DOK6: variants seen among roughly 807,000 people sequenced by gnomAD.
DOK6 encodes docking protein 6, also known as downstream of tyrosine kinase 6.
DOK6 carries 22 observed loss-of-function variants against 44.0 expected under a neutral mutation model. That is an observed-to-expected ratio of 0.50 (90% CI 0.36 to 0.71). The LOEUF is 0.71. DOK6 is among the 30% of genes least tolerant of loss of function. DOK6 has a pLI of 0.00. For synonymous variants in DOK6, 166 were observed against 145.5 expected, an observed-to-expected ratio of 1.14 and a Z score of -1.01; for missense variants, 340 against 416.4, an observed-to-expected ratio of 0.82 and a Z score of 1.60.
In DOK6 at chr18:69,565,065, A is replaced by G. The variant is rs553790940; in HGVS notation, c.174+471A>G. ...ATGCTGATGTGTAGAGATAAGGCATAAATACTTGGAATAAAATATCAATCT... is the reference window on the plus strand; with the variant it reads ...ATGCTGATGTGTAGAGATAAGGCATGAATACTTGGAATAAAATATCAATCT... On this transcript the variant is annotated intron_variant, in intron 2 of 7. Transcript: ENST00000382713. 3.3e-5 allele frequency among the ~76,000 whole-genome samples: 5 copies of G among 152,334 alleles called. No individual in the cohort carries two copies. In the South Asian group the frequency reaches 1.0e-3, roughly 32 times the overall value.
At chr18:69,448,763 T>C (rs1775072690) in intron 1 of DOK6, among the ~76,000 whole-genome samples, 1 of 152,228 alleles carries the variant, frequency 6.6e-6, no homozygotes, top group Non-Finnish European at 1.5e-5. Flanking sequence ...AGAAGTATTG[T>C]TATATTTGTA....
At chr18:69,558,665 A>T (rs1276486203) in intron 1 of DOK6, among the ~76,000 whole-genome samples, 5 of 152,152 alleles carry the variant, frequency 3.3e-5, no homozygotes, top group Non-Finnish European at 7.4e-5. Context: ...GACATTGTAC[A>T]ATATACCTAA....
At chr18:69,424,081 C>G (rs1978569740) in intron 1 of DOK6, among the ~76,000 whole-genome samples, 2 of 152,078 alleles carry the variant, frequency 1.3e-5, no homozygotes, top group African/African-American at 4.8e-5. Flanking sequence ...AGTTGTGGTT[C>G]ATTCATTTTT....
At chr18:69,425,103 G>T (rs751111928) in intron 1 of DOK6, among the ~76,000 whole-genome samples, 2 of 152,098 alleles carry the variant, frequency 1.3e-5, no homozygotes, top group Admixed American at 6.5e-5. Context: ...GTACTATATA[G>T]ATGCCAGGCA....
intron 4 of DOK6, among the ~76,000 whole-genome samples, chr18:69,682,460 G>A (rs1346111765): frequency 6.6e-6 from 1 of 152,166 alleles, no homozygotes; most frequent in Non-Finnish European, 1.5e-5. Flanking sequence ...TGCAGACAAT[G>A]CCAGTGTCTA....
intron 1 of DOK6, among the ~76,000 whole-genome samples, chr18:69,494,359 C>T (rs571104635): frequency 1.5e-3 from 232 of 152,130 alleles, no homozygotes; most frequent in Non-Finnish European, 2.6e-3. Context: ...ACCTGTAATC[C>T]CAGCTATTTG....
intron 1 of DOK6, among the ~76,000 whole-genome samples, chr18:69,513,583 T>A (rs1325130803): frequency 6.6e-6 from 1 of 152,204 alleles, no homozygotes; most frequent in Non-Finnish European, 1.5e-5. Context: ...AAAACTAGAT[T>A]TCACTGTCTG....
intron 6 of DOK6, among the ~76,000 whole-genome samples, chr18:69,755,611 C>G (rs1320148360): frequency 6.6e-6 from 1 of 152,210 alleles, no homozygotes; most frequent in Non-Finnish European, 1.5e-5. Context: ...ATAATCCTTT[C>G]ATAAAATGAG....
At chr18:69,525,204 T>C (rs1981796783) in intron 1 of DOK6, among the ~76,000 whole-genome samples, 1 of 151,932 alleles carries the variant, frequency 6.6e-6, no homozygotes, top group Non-Finnish European at 1.5e-5. Context: ...TCAGATTTTT[T>C]CTTTATTATG....
chr18:69,434,765 T>A (rs1336677808), intron 1 of DOK6, among the ~76,000 whole-genome samples: 2 of 150,686 alleles, frequency 1.3e-5, no homozygotes, highest in Admixed American at 1.3e-4. Context: ...CTACAAAAAA[T>A]ACAAAAATTA....
chr18:69,670,643 G>T (rs553801574), intron 3 of DOK6, among the ~76,000 whole-genome samples: 5 of 151,556 alleles, frequency 3.3e-5, no homozygotes, highest in Non-Finnish European at 7.4e-5. Flanking sequence ...CCAAGTAGCT[G>T]GGATTACAGG....
At chr18:69,630,313 T>A (rs1984661021) in intron 3 of DOK6, among the ~76,000 whole-genome samples, 1 of 152,198 alleles carries the variant, frequency 6.6e-6, no homozygotes, top group South Asian at 2.1e-4. Flanking sequence ...GGTTTTCTGA[T>A]TCCATTGTTC....
intron 1 of DOK6, among the ~76,000 whole-genome samples, chr18:69,422,176 C>T (rs1403671982): frequency 6.6e-6 from 1 of 152,122 alleles, no homozygotes; most frequent in East Asian, 1.9e-4. Flanking sequence ...GACCGCCTTC[C>T]CTGTCTTCTC....
At chr18:69,712,483 C>T (rs557868469) in intron 5 of DOK6, among the ~76,000 whole-genome samples, 2 of 152,054 alleles carry the variant, frequency 1.3e-5, no homozygotes, top group Non-Finnish European at 2.9e-5. Context: ...GAAAGAACAC[C>T]TAGACAGATA....
At chr18:69,753,040 T>C (rs1458112370) in intron 6 of DOK6, among the ~76,000 whole-genome samples, 1 of 152,160 alleles carries the variant, frequency 6.6e-6, no homozygotes, top group African/African-American at 2.4e-5. Context: ...GAAAAGATAG[T>C]AACAAAAGTG....
chr18:69,748,501 G>T (rs1380722984), intron 6 of DOK6, among the ~76,000 whole-genome samples: 2 of 152,088 alleles, frequency 1.3e-5, no homozygotes, highest in South Asian at 2.1e-4. Context: ...AGATGCAAAA[G>T]AACTGAAATC....
intron 6 of DOK6, among the ~76,000 whole-genome samples, chr18:69,749,626 A>G (rs1034172983): frequency 6.6e-6 from 1 of 152,124 alleles, no homozygotes; most frequent in Non-Finnish European, 1.5e-5. Context: ...CAGGAATTTT[A>G]TGAGGATTTA....
chr18:69,608,779 G>A lies in DOK6; in HGVS notation c.289+9281G>A, dbSNP rs886202722. ...AGCCTGGCCAACATGGTGAAACCCCGTCTCTACTAAAAATACAAAAATTAG... is the reference window on the plus strand; with the variant it reads ...AGCCTGGCCAACATGGTGAAACCCCATCTCTACTAAAAATACAAAAATTAG... On this transcript the variant is annotated intron_variant, in intron 3 of 7. Coordinates refer to ENST00000382713, the MANE Select transcript of DOK6 (RefSeq NM_152721.6). 4.6e-5 allele frequency among the ~76,000 whole-genome samples: 7 copies of A among 151,786 alleles called. No homozygotes were observed. In the East Asian group the frequency reaches 5.8e-4, roughly 13 times the overall value.
intron 3 of DOK6, among the ~76,000 whole-genome samples, chr18:69,659,028 T>A (rs1568324892): frequency 6.6e-6 from 1 of 152,218 alleles, no homozygotes; most frequent in African/African-American, 2.4e-5. Flanking sequence ...TAAAATCAAA[T>A]GCAGGCAAAT....
Sources: gnomAD v4.1 joint callset for allele counts (sites outside exome capture counted in the v4.1 genomes callset) on GRCh38, gnomAD v4.1.1 for gene constraint, MANE v1.5 for transcripts, NCBI Gene and HGNC (gene_info 2026-07-23, HGNC 2026-07-21) for gene names.